The following ATAD2B variants were observed in gnomAD, a reference collection of about 807,000 sequenced individuals.
ATAD2B encodes ATPase family AAA domain containing 2B.
Under a neutral mutation model 167.6 loss-of-function variants are expected in ATAD2B, and 40 were observed. That is an observed-to-expected ratio of 0.24 (90% CI 0.19 to 0.31). The LOEUF (loss-of-function observed/expected upper bound fraction) is 0.31, where lower values mean the gene tolerates loss of function less well. ATAD2B is among the 10% of genes least tolerant of loss of function. The pLI, the probability that ATAD2B is intolerant of heterozygous loss-of-function variation, is 1.00. For missense variants in ATAD2B, 1,242 were observed against 1,757.2 expected, an observed-to-expected ratio of 0.71 and a Z score of 5.24; for synonymous variants, 579 against 596.5, an observed-to-expected ratio of 0.97 and a Z score of 0.43.
chr2:23,788,474 C>T, intron 20 of ATAD2B, 38 bp downstream of exon 20: 3 of 1,600,520 alleles, frequency 1.9e-6, no homozygotes, highest in Non-Finnish European at 2.6e-6. Context: ...TTCTTAACTC[C>T]ATCCCTCCCA....
At chr2:23,923,703 T>C (rs1386952027) in intron 1 of ATAD2B, among the ~76,000 whole-genome samples, 1 of 149,578 alleles carries the variant, frequency 6.7e-6, no homozygotes, top group Non-Finnish European at 1.5e-5. Context: ...ATAATTCCAA[T>C]AATCGGCAGA....
At chr2:23,737,198 T>C in the ATAD2B span, among the ~76,000 whole-genome samples, 1 of 151,714 alleles carries the variant, frequency 6.6e-6, no homozygotes, top group Admixed American at 6.6e-5. Flanking sequence ...TTGAAGAGAG[T>C]AGTGGTTCTC....
chr2:23,795,351 G>A (rs1309087766), intron 19 of ATAD2B, among the ~76,000 whole-genome samples: 9 of 151,342 alleles, frequency 5.9e-5, no homozygotes, highest in Admixed American at 1.3e-4. Context: ...TTTGAGACAC[G>A]GCCTCACTCT....
At chr2:23,725,293 T>C in the ATAD2B span, among the ~76,000 whole-genome samples, 1 of 152,144 alleles carries the variant, frequency 6.6e-6, no homozygotes, top group Non-Finnish European at 1.5e-5. Context: ...CTACTAGACC[T>C]TCTCCAAAAG....
chr2:23,767,495 G>T (rs1003587039), intron 22 of ATAD2B, among the ~76,000 whole-genome samples: 1 of 152,114 alleles, frequency 6.6e-6, no homozygotes, highest in African/African-American at 2.4e-5. Flanking sequence ...GCTTTTTGAG[G>T]TACTGAAACT....
chr2:23,737,097 C>T, the ATAD2B span, among the ~76,000 whole-genome samples: 1 of 152,220 alleles, frequency 6.6e-6, no homozygotes, highest in East Asian at 1.9e-4. Flanking sequence ...GGCCTGCCTG[C>T]CTCTGTAGGC....
intron 13 of ATAD2B, 111 bp downstream of exon 13, chr2:23,857,304 G>T: frequency 1.7e-6 from 1 of 590,092 alleles, no homozygotes. Context: ...CACAGACACA[G>T]ATTGTTTTAA....
At chr2:23,831,398 T>C (rs187416279) in intron 14 of ATAD2B, among the ~76,000 whole-genome samples, 7 of 152,354 alleles carry the variant, frequency 4.6e-5, no homozygotes, top group Admixed American at 4.6e-4. Flanking sequence ...TTTTACTTAA[T>C]GAAATAGCAA....
the ATAD2B span, among the ~76,000 whole-genome samples, chr2:23,735,629 T>C: frequency 6.6e-6 from 1 of 152,242 alleles, no homozygotes; most frequent in Non-Finnish European, 1.5e-5. Context: ...CTTCATCTGT[T>C]AATCAAAATA....
intron 2 of ATAD2B, among the ~76,000 whole-genome samples, chr2:23,893,586 T>C (rs1177421474): frequency 1.3e-5 from 2 of 150,622 alleles, no homozygotes; most frequent in African/African-American, 2.4e-5. Context: ...TTTCAGGTCA[T>C]CTGAAACATC....
At chr2:23,812,412 GA>G (rs1199205386) in intron 17 of ATAD2B, among the ~76,000 whole-genome samples, 1 of 151,646 alleles carries the variant, frequency 6.6e-6, no homozygotes, top group Admixed American at 6.6e-5. Flanking sequence ...AATACATAAA[GA>G]CGTCAATTCT....
At position 23,838,279 on chromosome 2, in the gene ATAD2B, C is replaced by T. The variant is rs59424161; in HGVS notation, c.1569-4201G>A. Among the ~76,000 whole-genome samples, 152 of 152,268 alleles carry T rather than the reference C, an allele frequency of 1.0e-3. 1 individual carries two copies. In the East Asian group the frequency reaches 0.019, roughly 19 times the overall value. On this transcript the variant is annotated intron_variant, in intron 13 of 27. Transcript: ENST00000238789. ...CCTCAAATATAAATTCATATTTAAC[C>T]TCCAATCTTTCCTTGGTATCTTCCA...
chr2:23,833,951 T>C lies in ATAD2B; in HGVS notation c.1696A>G (p.Arg566Gly). The change falls in exon 14 of 28, where the codon AGA becomes GGA. Residue 566 changes from arginine (R) to glycine (G), a missense_variant. Arg to Gly is a moderately radical substitution (Grantham distance 125, BLOSUM62 -2). Transcript: ENST00000238789. ...PALRRPGRFD[R>G]EFLFNLPDQK... ...TCAGGCAGGTTGAAGAGGAATTCTC[T>C]GTCAAAACGACCAGGTCTCCTGAGT... 6.2e-7 allele frequency: 1 copy of C among 1,606,990 alleles called. No individual in the cohort carries two copies. The highest frequency in any genetic ancestry group is 1.7e-5 in the Admixed American group (1 of 57,814).
intron 1 of ATAD2B, among the ~76,000 whole-genome samples, chr2:23,919,565 G>A (rs944323581): frequency 2.0e-5 from 3 of 151,202 alleles, no homozygotes; most frequent in Non-Finnish European, 2.9e-5. Flanking sequence ...ATTAGGGGCC[G>A]GGTGCAGTGG....
intron 19 of ATAD2B, among the ~76,000 whole-genome samples, chr2:23,792,045 GT>G (rs1034065779): frequency 1.3e-4 from 20 of 148,196 alleles, no homozygotes; most frequent in Admixed American, 1.1e-3. Context: ...GTTAATTTCT[GT>G]TTTTTTTTAA....
chr2:23,742,325 C>G, the ATAD2B span, among the ~76,000 whole-genome samples: 1 of 152,006 alleles, frequency 6.6e-6, no homozygotes, highest in South Asian at 2.1e-4. Flanking sequence ...CAACGATAGA[C>G]TGGATTAAGA....
the ATAD2B span, chr2:23,703,774 G>C: frequency 6.5e-7 from 1 of 1,537,372 alleles, no homozygotes; most frequent in Non-Finnish European, 8.7e-7. Flanking sequence ...TCCTGGGCGG[G>C]GCTTATGCCA....
At chr2:23,845,134 A>G (rs1375975485) in intron 13 of ATAD2B, among the ~76,000 whole-genome samples, 2 of 152,192 alleles carry the variant, frequency 1.3e-5, no homozygotes, top group African/African-American at 4.8e-5. Context: ...CCCAGAGAAA[A>G]TACCCTTCAA....
intron 17 of ATAD2B, among the ~76,000 whole-genome samples, chr2:23,818,592 T>C (rs747509829): frequency 1.3e-5 from 2 of 151,800 alleles, no homozygotes; most frequent in Non-Finnish European, 2.9e-5. Flanking sequence ...CAAGAAAGGG[T>C]TATCAATGCA....
Sources: allele counts gnomAD v4.1 joint callset (sites outside exome capture counted in the v4.1 genomes callset), GRCh38; gene constraint gnomAD v4.1.1; transcripts MANE v1.5; gene names NCBI Gene and HGNC (gene_info 2026-07-23, HGNC 2026-07-21).